The following NAALADL2 variants were observed in gnomAD, a reference collection of about 807,000 sequenced individuals.
NAALADL2 encodes inactive N-acetylated-alpha-linked acidic dipeptidase-like protein 2.
In NAALADL2, 76 loss-of-function variants were observed where a neutral mutation model predicts 87.2. The ratio of observed to expected loss-of-function variants is 0.87; its 90% CI spans 0.72 to 1.05. NAALADL2 has a LOEUF of 1.05. NAALADL2 is among the 50% of genes least tolerant of loss of function. The pLI, the probability that NAALADL2 is intolerant of heterozygous loss-of-function variation, is 0.00. For missense variants in NAALADL2, 1,089 were observed against 945.8 expected, an observed-to-expected ratio of 1.15 and a Z score of -1.99; for synonymous variants, 354 against 331.0, an observed-to-expected ratio of 1.07 and a Z score of -0.75.
chr3:175,598,253 G>A (rs1214259620), intron 10 of NAALADL2, among the ~76,000 whole-genome samples: 1 of 151,952 alleles, frequency 6.6e-6, no homozygotes, highest in African/African-American at 2.4e-5. Flanking sequence ...ATTACATACA[G>A]TAGGCTGAAT....
intron 5 of NAALADL2, among the ~76,000 whole-genome samples, chr3:175,358,083 G>T (rs960478643): frequency 4.6e-5 from 7 of 152,172 alleles, no homozygotes; most frequent in Non-Finnish European, 7.4e-5. Context: ...CCATAAAATC[G>T]CAAGTGACAT....
intron 3 of NAALADL2, among the ~76,000 whole-genome samples, chr3:174,840,821 A>C (rs1177747723): frequency 6.6e-6 from 1 of 152,126 alleles, no homozygotes. Context: ...AGAAACGTCT[A>C]TTTTAAGAAC....
At chr3:175,428,164 A>T (rs535815827) in intron 5 of NAALADL2, among the ~76,000 whole-genome samples, 3 of 151,936 alleles carry the variant, frequency 2.0e-5, no homozygotes, top group African/African-American at 7.2e-5. Flanking sequence ...TTATATTTAT[A>T]AAAAAACTAC....
intron 10 of NAALADL2, among the ~76,000 whole-genome samples, chr3:175,603,136 T>C (rs1184550483): frequency 6.6e-6 from 1 of 152,222 alleles, no homozygotes; most frequent in African/African-American, 2.4e-5. Flanking sequence ...ACTGCTCATA[T>C]TCTAGTTTTT....
At chr3:174,949,895 C>A (rs1486462408) in intron 1 of NAALADL2, among the ~76,000 whole-genome samples, 1 of 152,174 alleles carries the variant, frequency 6.6e-6, no homozygotes, top group Non-Finnish European at 1.5e-5. Context: ...TTCCCAGATT[C>A]TCTGTGCTCC....
At chr3:175,326,705 G>C (rs1408385461) in intron 5 of NAALADL2, among the ~76,000 whole-genome samples, 1 of 152,142 alleles carries the variant, frequency 6.6e-6, no homozygotes, top group Non-Finnish European at 1.5e-5. Context: ...GTGGTGGAAG[G>C]CATAATGGTA....
intron 9 of NAALADL2, among the ~76,000 whole-genome samples, chr3:175,541,647 G>A (rs1712348524): frequency 6.6e-6 from 1 of 151,292 alleles, no homozygotes; most frequent in African/African-American, 2.5e-5. Context: ...TGGAGGCCAA[G>A]ATACACTTGT....
At chr3:174,502,677 A>G (rs923765408) in intron 1 of NAALADL2, among the ~76,000 whole-genome samples, 1 of 152,170 alleles carries the variant, frequency 6.6e-6, no homozygotes, top group African/African-American at 2.4e-5. Flanking sequence ...ATTTTCAGCA[A>G]CATTATACTT....
At chr3:175,318,486 T>C (rs1216366685) in intron 4 of NAALADL2, among the ~76,000 whole-genome samples, 1 of 152,166 alleles carries the variant, frequency 6.6e-6, no homozygotes, top group African/African-American at 2.4e-5. Context: ...TTTATTTTTT[T>C]CCTCAAAAAA....
intron 1 of NAALADL2, among the ~76,000 whole-genome samples, chr3:175,054,178 G>A (rs531565930): frequency 7.9e-4 from 120 of 152,320 alleles, no homozygotes; most frequent in African/African-American, 2.8e-3. Flanking sequence ...TTTTTGAGCT[G>A]AAGTATAGGG....
chr3:174,563,764 G>C (rs1713907228), intron 2 of NAALADL2, among the ~76,000 whole-genome samples: 1 of 152,104 alleles, frequency 6.6e-6, no homozygotes, highest in African/African-American at 2.4e-5. Context: ...ATCAGAGAAG[G>C]TGATCTGTCT....
intron 5 of NAALADL2, among the ~76,000 whole-genome samples, chr3:175,435,352 A>C: frequency 6.6e-6 from 1 of 152,052 alleles, no homozygotes; most frequent in East Asian, 1.9e-4. Context: ...ATTTAAAGTA[A>C]GTTTGAAAAT....
chr3:174,889,235 C>T (rs79002514), intron 1 of NAALADL2, among the ~76,000 whole-genome samples: 1,880 of 152,096 alleles, frequency 0.012, 41 homozygotes, highest in African/African-American at 0.043. Context: ...ATGATGTTTC[C>T]TTTACTTTGA....
Position 174,863,381 on chromosome 3 carries a change from A to C in NAALADL2, c.43+3931A>C, listed in dbSNP as rs543546982. 1.2e-4 allele frequency among the ~76,000 whole-genome samples: 19 copies of C among 152,108 alleles called. No homozygotes were observed. The South Asian group carries it at 2.5e-3, about 20-fold the overall frequency. ...GCATTGTCGAGTATTCAGTGAGCTT[A>C]TTATGGAACCTGTCCATCCAGGCTT... On this transcript the variant is annotated intron_variant, in intron 1 of 13. Coordinates refer to ENST00000454872, the MANE Select transcript of NAALADL2 (RefSeq NM_207015.3).
intron 3 of NAALADL2, among the ~76,000 whole-genome samples, chr3:174,739,152 CTTTAT>C (rs141894067): frequency 0.014 from 2,063 of 151,916 alleles, 52 homozygotes; most frequent in African/African-American, 0.048. Flanking sequence ...TTTTATTTTC[CTTTAT>C]TTTATTTTTT....
chr3:175,024,685 G>T (rs1751992324), intron 1 of NAALADL2, among the ~76,000 whole-genome samples: 1 of 151,878 alleles, frequency 6.6e-6, no homozygotes. Context: ...AGGAGAACAG[G>T]ATATCAGAGT....
At chr3:175,346,104 A>AT (rs1471743168) in intron 5 of NAALADL2, among the ~76,000 whole-genome samples, 3 of 152,130 alleles carry the variant, frequency 2.0e-5, no homozygotes, top group African/African-American at 7.2e-5. Context: ...TAACATTTAT[A>AT]TATTTTTCTT....
chr3:175,174,326 T>C lies in NAALADL2; in HGVS notation c.546-59605T>C, dbSNP rs959023882. ...TAAGCGGCTTTTTATATGCCAAAAT[T>C]GTTGTTTCAAACACTTATTTTTAGC... is the stretch of plus-strand genomic sequence containing the variant. On this transcript the variant is annotated intron_variant, in intron 2 of 13. Coordinates refer to ENST00000454872, the MANE Select transcript of NAALADL2 (RefSeq NM_207015.3). 3.8e-4 allele frequency among the ~76,000 whole-genome samples: 58 copies of C among 152,250 alleles called. 1 individual carries two copies. Among genetic ancestry groups the C allele is most frequent in the African/African-American group, 1.3e-3 (55 of 41,564 alleles).
chr3:175,798,052 A>C lies in NAALADL2; in HGVS notation c.2190-4953A>C, dbSNP rs1293370468. Reference sequence around the variant, plus strand: ...TTTCATAAATGATTCAAAATGCAGAAATTTATTTTATGTAAGCAGGAAGCT... The same window carrying C: ...TTTCATAAATGATTCAAAATGCAGACATTTATTTTATGTAAGCAGGAAGCT... On this transcript the variant is annotated intron_variant, in intron 13 of 13. Transcript: ENST00000454872. Among the ~76,000 whole-genome samples, 4 of 152,090 alleles carry C rather than the reference A, an allele frequency of 2.6e-5. No individual in the cohort carries two copies. The East Asian group carries it at 7.7e-4, about 29-fold the overall frequency.
Sources: gnomAD v4.1 joint callset for allele counts (sites outside exome capture counted in the v4.1 genomes callset) on GRCh38, gnomAD v4.1.1 for gene constraint, MANE v1.5 for transcripts, NCBI Gene and HGNC (gene_info 2026-07-23, HGNC 2026-07-21) for gene names.